The following CSDE1 variants were observed in gnomAD, a reference collection of about 807,000 sequenced individuals.
CSDE1 encodes cold shock domain-containing protein E1.
Under a neutral mutation model 89.3 loss-of-function variants are expected in CSDE1, and 17 were observed. That is an observed-to-expected ratio of 0.19 (90% CI 0.13 to 0.29). CSDE1 has a LOEUF of 0.29. Among genes scored for constraint, CSDE1 ranks in the 10% least tolerant of loss-of-function variants. The pLI is 1.00. For synonymous variants in CSDE1, 322 were observed against 332.8 expected (o/e 0.97, Z 0.35); for missense variants, 672 against 984.2 (o/e 0.68, Z 4.24).
At chr1:114,755,966 A>G (rs1212353679) in intron 1 of CSDE1, among the ~76,000 whole-genome samples, 1 of 152,244 alleles carries the variant, frequency 6.6e-6, no homozygotes, top group African/African-American at 2.4e-5. Context: ...CATGTTATGA[A>G]TGCTCCAGCA....
chr1:114,757,782 G>A (rs1314553479), intron 1 of CSDE1, 143 bp downstream of exon 1: 1 of 152,804 alleles, frequency 6.5e-6, no homozygotes, highest in Non-Finnish European at 1.5e-5. Flanking sequence ...GCCCAGGGCA[G>A]GGAATCGGGG....
Position 114,719,881 on chromosome 1 carries a change from A to G in CSDE1, c.2053-139T>C, listed in dbSNP as rs578194047. 2.0e-5 allele frequency: 15 copies of G among 751,792 alleles called. No individual in the cohort carries two copies. In the South Asian group the frequency reaches 2.6e-4, roughly 13 times the overall value. The allele number at this position is 751,792 out of a possible 1,614,324, so 46.6% of individuals were successfully genotyped here. A position where few individuals can be genotyped will look rare whatever the true frequency, so the allele number is the denominator to read the frequency against. On this transcript the variant is annotated intron_variant, in intron 17 of 19. Coordinates refer to ENST00000358528, the MANE Select transcript of CSDE1 (RefSeq NM_001007553.3). ...CTCCAGTCCAGCTGCCTGTGGCAAAACCTGTCAGGGAAGAAATGTATCTCT... is the reference window on the plus strand; with the variant it reads ...CTCCAGTCCAGCTGCCTGTGGCAAAGCCTGTCAGGGAAGAAATGTATCTCT...
In CSDE1 at chr1:114,733,753, T is replaced by C. The variant is rs767013267; in HGVS notation, c.816A>G (p.Pro272=). The part of the protein sequence containing the change: ...HFEGTVTKVI[P]KVPSKNQNDP... Reference sequence around the variant, plus strand: ...TTACCTGGTTTTTACTGGGTACTTTTGGGATAACTTTGGTTACAGTTCCTT... The same window carrying C: ...TTACCTGGTTTTTACTGGGTACTTTCGGGATAACTTTGGTTACAGTTCCTT... Residue 272 remains proline, a synonymous_variant, in exon 9 of 20, where the codon CCA becomes CCG. Transcript: ENST00000358528. The C allele has an allele frequency of 9.7e-5, 157 of 1,613,586 alleles. 1 individual carries two copies. In the South Asian group the frequency reaches 1.6e-3, roughly 16 times the overall value.
At chr1:114,729,724 T>C (rs916909560) in intron 12 of CSDE1, among the ~76,000 whole-genome samples, 18 of 152,308 alleles carry the variant, frequency 1.2e-4, no homozygotes, top group Admixed American at 7.8e-4. Context: ...CTATATGAAT[T>C]ACTTGTTTCT....
intron 2 of CSDE1, among the ~76,000 whole-genome samples, chr1:114,749,456 T>G (rs1661188408): frequency 6.6e-6 from 1 of 152,130 alleles, no homozygotes; most frequent in Admixed American, 6.5e-5. Flanking sequence ...TTGAAGACAG[T>G]AGAGAGAAAG....
chr1:114,755,810 T>G (rs971216419), intron 1 of CSDE1, among the ~76,000 whole-genome samples: 1 of 152,220 alleles, frequency 6.6e-6, no homozygotes, highest in African/African-American at 2.4e-5. Context: ...GTCCTGAAAT[T>G]CAACTCCTCA....
At position 114,720,522 on chromosome 1, in the gene CSDE1, G is replaced by C. The variant is rs961738263; in HGVS notation, c.2052+17C>G. 1 of 1,592,424 alleles carries C rather than the reference G, an allele frequency of 6.3e-7. No individual in the cohort carries two copies. Among genetic ancestry groups the C allele is most frequent in the Middle Eastern group, 1.7e-4 (1 of 5,934 alleles). ...CATAGAAGGATCAAATTCAGATACA[G>C]AGATGCTGGCACTTACCTGATCTTT... On this transcript the variant is annotated intron_variant, in intron 17 of 19. Coordinates refer to ENST00000358528, the MANE Select transcript of CSDE1 (RefSeq NM_001007553.3).
intron 16 of CSDE1, 134 bp downstream of exon 16, chr1:114,723,749 T>C (rs1447982785): frequency 1.6e-6 from 2 of 1,235,134 alleles, no homozygotes; most frequent in East Asian, 2.4e-5. Context: ...AAAGCAAGCA[T>C]GAGAGAGGTC....
At chr1:114,751,386 A>T (rs1018091194) in intron 1 of CSDE1, among the ~76,000 whole-genome samples, 1 of 152,232 alleles carries the variant, frequency 6.6e-6, no homozygotes, top group Non-Finnish European at 1.5e-5. Flanking sequence ...CAGAAGAATG[A>T]TTATCAGGTG....
At chr1:114,732,332 C>T (rs1660149997) in intron 10 of CSDE1, among the ~76,000 whole-genome samples, 1 of 152,130 alleles carries the variant, frequency 6.6e-6, no homozygotes, top group Non-Finnish European at 1.5e-5. Flanking sequence ...TCTTACTCTT[C>T]ATATTAAGGG....
chr1:114,727,060 C>T lies in CSDE1; in HGVS notation c.1387G>A (p.Asp463Asn). Residue 463 changes from aspartate to asparagine, a missense_variant, in exon 13 of 20, where the codon GAC (aspartate) becomes AAC (asparagine). Physicochemically the swap from Asp to Asn is conservative, Grantham distance 23. Coordinates refer to ENST00000358528, the MANE Select transcript of CSDE1 (RefSeq NM_001007553.3). ...EAEDGIIAYD[D>N]CGVKLTIAFQ... Reference sequence around the variant, plus strand: ...GCAATAGTCAGTTTCACCCCACAGTCATCATAAGCAATAATGCCATCCTCA... The same window carrying T: ...GCAATAGTCAGTTTCACCCCACAGTTATCATAAGCAATAATGCCATCCTCA... 1.9e-6 allele frequency: 3 copies of T among 1,613,684 alleles called. No homozygotes were observed. Among genetic ancestry groups the T allele is most frequent in the Non-Finnish European group, 2.5e-6 (3 of 1,179,700 alleles).
chr1:114,733,045 GATTTT>G (rs1557997533), intron 9 of CSDE1, among the ~76,000 whole-genome samples: 1 of 152,100 alleles, frequency 6.6e-6, no homozygotes, highest in African/African-American at 2.4e-5. Flanking sequence ...GGTACCAAAA[GATTTT>G]ATTTAAGGAA....
At chr1:114,754,083 G>C (rs1329317455) in intron 1 of CSDE1, among the ~76,000 whole-genome samples, 1 of 152,198 alleles carries the variant, frequency 6.6e-6, no homozygotes, top group Non-Finnish European at 1.5e-5. Flanking sequence ...CCACCTCCCG[G>C]GTTCAAGCGA....
intron 16 of CSDE1, 76 bp downstream of exon 16, chr1:114,723,807 C>T (rs990312694): frequency 1.9e-6 from 3 of 1,593,454 alleles, no homozygotes; most frequent in African/African-American, 2.7e-5. Flanking sequence ...GCAATAAGCA[C>T]CATATTTTAA....
chr1:114,744,622 T>C (rs1660916065), intron 2 of CSDE1, among the ~76,000 whole-genome samples: 1 of 151,388 alleles, frequency 6.6e-6, no homozygotes, highest in African/African-American at 2.4e-5. Context: ...CCCCAAAACA[T>C]ACACACACAC....
chr1:114,731,999 G>A (rs1293301925), intron 10 of CSDE1, among the ~76,000 whole-genome samples: 1 of 152,024 alleles, frequency 6.6e-6, no homozygotes, highest in Non-Finnish European at 1.5e-5. Context: ...ATTTTTAGTA[G>A]AGACGGGGTT....
At chr1:114,746,722 C>A (rs1661031025) in intron 2 of CSDE1, 1 of 152,182 alleles carries the variant, frequency 6.6e-6, no homozygotes, top group Non-Finnish European at 1.5e-5. Context: ...TAAAATCAGT[C>A]TCTTACTAAC....
Position 114,739,675 on chromosome 1 carries a change from G to A in CSDE1, c.199+17C>T. ...ATTTTGTGATTACATTTTTACAAAG[G>A]AGAACTGACAGATTACCTCCTACTT... On this transcript the variant is annotated intron_variant, in intron 3 of 19. Transcript: ENST00000358528. 6.3e-7 allele frequency: 1 copy of A among 1,587,698 alleles called. No homozygotes were observed. Among genetic ancestry groups the A allele is most frequent in the Non-Finnish European group, 8.6e-7 (1 of 1,157,714 alleles).
intron 15 of CSDE1, 66 bp from the exon 16 acceptor site, chr1:114,724,068 A>G: frequency 6.5e-7 from 1 of 1,538,642 alleles, no homozygotes; most frequent in African/African-American, 1.4e-5. Flanking sequence ...AAGACAAGTA[A>G]GCAAAAAATA....
Sources: allele counts gnomAD v4.1 joint callset (sites outside exome capture counted in the v4.1 genomes callset), GRCh38; gene constraint gnomAD v4.1.1; transcripts MANE v1.5; gene names NCBI Gene and HGNC (gene_info 2026-07-23, HGNC 2026-07-21).